CTNNA2: variants seen among roughly 807,000 people sequenced by gnomAD.
CTNNA2 encodes catenin alpha 2.
In CTNNA2, 42 loss-of-function variants were observed where a neutral mutation model predicts 101.0. The observed-to-expected ratio is 0.42, with a 90% CI of 0.32 to 0.54. The LOEUF is 0.54. Ranked by LOEUF, CTNNA2 falls within the 20% of genes least tolerant of loss-of-function variation. CTNNA2 has a pLI of 0.14. For synonymous variants in CTNNA2, 450 were observed against 456.4 expected, an observed-to-expected ratio of 0.99 and a Z score of 0.18; for missense variants, 871 against 1,223.1, an observed-to-expected ratio of 0.71 and a Z score of 4.29.
intron 9 of CTNNA2, among the ~76,000 whole-genome samples, chr2:80,457,543 A>C (rs1033666066): frequency 6.6e-6 from 1 of 152,116 alleles, no homozygotes; most frequent in East Asian, 1.9e-4. Context: ...TATTAATATT[A>C]ATATTACTGA....
intron 4 of CTNNA2, among the ~76,000 whole-genome samples, chr2:79,408,749 G>A (rs1176000433): frequency 5.3e-5 from 8 of 151,868 alleles, no homozygotes; most frequent in Admixed American, 1.3e-4. Context: ...GAATAGTGCC[G>A]CAATAAACAT....
chr2:79,792,057 T>A (rs1675314561), intron 3 of CTNNA2, among the ~76,000 whole-genome samples: 1 of 152,236 alleles, frequency 6.6e-6, no homozygotes, highest in African/African-American at 2.4e-5. Context: ...TACCAACTAG[T>A]ATAATTCTTC....
intron 7 of CTNNA2, among the ~76,000 whole-genome samples, chr2:80,385,193 G>A (rs1476935034): frequency 1.3e-5 from 2 of 152,110 alleles, no homozygotes; most frequent in Admixed American, 6.5e-5. Flanking sequence ...CCTCCAATGT[G>A]ATGGTATTTG....
At chr2:79,996,808 A>T (rs1183729469) in intron 7 of CTNNA2, among the ~76,000 whole-genome samples, 3 of 152,150 alleles carry the variant, frequency 2.0e-5, no homozygotes, top group East Asian at 3.9e-4. Context: ...CACACTGGGG[A>T]GCGATAGGAA....
At chr2:79,426,521 T>G (rs62156960) in intron 4 of CTNNA2, among the ~76,000 whole-genome samples, 8,379 of 152,160 alleles carry the variant, frequency 0.055, 408 homozygotes, top group East Asian at 0.13. Flanking sequence ...TACATCTCTA[T>G]TTTTAAAAAA....
At chr2:79,887,794 C>T (rs2104179733) in intron 6 of CTNNA2, among the ~76,000 whole-genome samples, 1 of 152,282 alleles carries the variant, frequency 6.6e-6, no homozygotes, top group Admixed American at 6.5e-5. Flanking sequence ...CTCACCTGTT[C>T]ATCGTATCTT....
chr2:79,571,138 T>C lies in CTNNA2; in HGVS notation c.-6+57931T>C, dbSNP rs571233097. On this transcript the variant is annotated intron_variant, in intron 1 of 18. Transcript: ENST00000402739. ...TTCTGGAGGATTATGCATCATAGTA[T>C]GCTACTTGGTTTTTTGGCTTAAATT... 2.0e-5 allele frequency among the ~76,000 whole-genome samples: 3 copies of C among 152,328 alleles called. No individual in the cohort carries two copies. In the South Asian group the frequency reaches 6.2e-4, roughly 32 times the overall value.
intron 12 of CTNNA2, among the ~76,000 whole-genome samples, chr2:80,569,633 G>GTTTTTT (rs70940088): frequency 0.01 from 538 of 51,680 alleles, 134 homozygotes; most frequent in Non-Finnish European, 0.018. Context: ...GGGTATTTAG[G>GTTTTTT]TTTTTTTTTT....
intron 1 of CTNNA2, among the ~76,000 whole-genome samples, chr2:79,189,051 A>C (rs1673818775): frequency 6.6e-6 from 1 of 152,188 alleles, no homozygotes; most frequent in Admixed American, 6.5e-5. Flanking sequence ...TACTTGTTGA[A>C]TCAATTTCTG....
intron 7 of CTNNA2, among the ~76,000 whole-genome samples, chr2:80,136,121 A>G (rs1702681118): frequency 6.6e-6 from 1 of 152,178 alleles, no homozygotes; most frequent in Non-Finnish European, 1.5e-5. Flanking sequence ...TAGTTGCAGC[A>G]TTTAGATGAG....
intron 3 of CTNNA2, among the ~76,000 whole-genome samples, chr2:79,774,129 T>A (rs1673791418): frequency 6.6e-6 from 1 of 152,216 alleles, no homozygotes; most frequent in Non-Finnish European, 1.5e-5. Flanking sequence ...TGACACTGAA[T>A]GAGTTTTGCA....
At chr2:80,284,099 C>G (rs886445260) in intron 7 of CTNNA2, among the ~76,000 whole-genome samples, 1 of 152,116 alleles carries the variant, frequency 6.6e-6, no homozygotes, top group Non-Finnish European at 1.5e-5. Flanking sequence ...AAGCATTATA[C>G]ATTTAGCGGG....
At chr2:79,798,597 T>A (rs72824548) in intron 3 of CTNNA2, among the ~76,000 whole-genome samples, 18,207 of 149,132 alleles carry the variant, frequency 0.12, 1,699 homozygotes, top group East Asian at 0.37. Context: ...AAATACTCAT[T>A]CTTGAAAGAA....
At chr2:80,205,278 G>T (rs529995722) in intron 7 of CTNNA2, among the ~76,000 whole-genome samples, 1 of 151,364 alleles carries the variant, frequency 6.6e-6, no homozygotes, top group African/African-American at 2.4e-5. Flanking sequence ...TAATGAAAAA[G>T]AAAAAAAACC....
chr2:80,453,290 G>A (rs747994900), intron 9 of CTNNA2, among the ~76,000 whole-genome samples: 1 of 152,120 alleles, frequency 6.6e-6, no homozygotes, highest in Non-Finnish European at 1.5e-5. Context: ...GCCAAGGTTG[G>A]TAGGGATAGG....
intron 7 of CTNNA2, among the ~76,000 whole-genome samples, chr2:80,012,394 T>G (rs879257669): frequency 1.3e-5 from 2 of 152,178 alleles, no homozygotes; most frequent in Admixed American, 6.5e-5. Flanking sequence ...TATAAAGCTG[T>G]CTTGTTGCCT....
At chr2:80,387,104 T>A (rs11126763) in intron 7 of CTNNA2, among the ~76,000 whole-genome samples, 1 of 151,934 alleles carries the variant, frequency 6.6e-6, no homozygotes, top group Admixed American at 6.5e-5. Context: ...TTGGCTAACA[T>A]GGTGAAACCC....
At position 80,425,035 on chromosome 2, in the gene CTNNA2, T is replaced by C. The variant is rs751445636; in HGVS notation, c.1290+5434T>C. On this transcript the variant is annotated intron_variant, in intron 9 of 18. Transcript: ENST00000402739. ...TCTTCCTCTCAGCAGCGACCTTCTT[T>C]CTGACTTCTCAGATTCTCCTTCAAC... is the stretch of plus-strand genomic sequence containing the variant. Among the ~76,000 whole-genome samples, 38 of 152,164 alleles carry C rather than the reference T, an allele frequency of 2.5e-4. 1 individual carries two copies. The highest frequency in any genetic ancestry group is 5.0e-4 in the Non-Finnish European group (34 of 68,030).
chr2:79,931,258 G>T (rs1687422212), intron 7 of CTNNA2, among the ~76,000 whole-genome samples: 1 of 152,060 alleles, frequency 6.6e-6, no homozygotes, highest in Non-Finnish European at 1.5e-5. Context: ...AATTCATCTT[G>T]TCTTTTTAAT....
Sources: gnomAD v4.1 joint callset for allele counts (sites outside exome capture counted in the v4.1 genomes callset) on GRCh38, gnomAD v4.1.1 for gene constraint, MANE v1.5 for transcripts, NCBI Gene and HGNC (gene_info 2026-07-23, HGNC 2026-07-21) for gene names.